SMC1B: variants seen among roughly 807,000 people sequenced by gnomAD.
The protein encoded by SMC1B is structural maintenance of chromosomes 1B.
A neutral mutation model predicts 157.9 loss-of-function variants in SMC1B; 60 were observed. The ratio of observed to expected loss-of-function variants is 0.38; its 90% CI spans 0.31 to 0.47. SMC1B has a LOEUF of 0.47. Among genes scored for constraint, SMC1B ranks in the 20% least tolerant of loss-of-function variants. The pLI is 0.99. For missense variants in SMC1B, 1,165 were observed against 1,426.2 expected, an observed-to-expected ratio of 0.82 and a Z score of 2.95; for synonymous variants, 445 against 483.0, an observed-to-expected ratio of 0.92 and a Z score of 1.03.
rs2087033423 is a variant in SMC1B, at chr22:45,389,608, G to A, written c.1731+104C>T. 4 of 987,030 alleles carry A rather than the reference G, an allele frequency of 4.1e-6. No homozygotes were observed. In the African/African-American group the frequency reaches 4.9e-5, roughly 12 times the overall value. 61.1% of individuals were successfully genotyped at this position (987,030 alleles called of 1,614,324 possible). The stretch of plus-strand genomic sequence containing the variant: ...AAATGATTGCCTAACTGGCATCCAA[G>A]CTACAATTTTTCTCTATCACTATCA... On this transcript the variant is annotated intron_variant, in intron 10 of 24. Coordinates refer to ENST00000357450, the MANE Select transcript of SMC1B (RefSeq NM_148674.5).
chr22:45,396,333 CA>C lies in SMC1B; in HGVS notation c.1254+12del, dbSNP rs2087123392. 2 of 1,598,242 alleles carry C rather than the reference CA, an allele frequency of 1.3e-6. No individual in the cohort carries two copies. The highest frequency in any genetic ancestry group is 1.7e-6 in the Non-Finnish European group (2 of 1,173,584). On this transcript the variant is annotated intron_variant, in intron 7 of 24. Coordinates refer to ENST00000357450, the MANE Select transcript of SMC1B (RefSeq NM_148674.5). ...AGAATGATTCTAAATCATTACTGTA[CA>C]ACCCAAGACACCTGAACTTCTCCAT...
At chr22:45,345,363 C>T in intron 24 of SMC1B, 96 bp downstream of exon 24, 1 of 653,800 alleles carries the variant, frequency 1.5e-6, no homozygotes, top group South Asian at 2.1e-5. Flanking sequence ...CATTAGACTC[C>T]ATTTGGAAGT....
chr22:45,374,403 AT>A (rs1386092821), intron 12 of SMC1B, among the ~76,000 whole-genome samples: 1 of 152,198 alleles, frequency 6.6e-6, no homozygotes, highest in African/African-American at 2.4e-5. Context: ...GTGTACAAAT[AT>A]CAGGCCCAGT....
At chr22:45,364,589 CA>C (rs1569179867) in intron 15 of SMC1B, among the ~76,000 whole-genome samples, 1 of 152,162 alleles carries the variant, frequency 6.6e-6, no homozygotes, top group Non-Finnish European at 1.5e-5. Context: ...CACACTCAGA[CA>C]GGGGGACAAC....
In SMC1B at chr22:45,345,553, T is replaced by C. The variant is rs2146747342; in HGVS notation, c.3512A>G (p.Lys1171Arg). The C allele has an allele frequency of 6.2e-7, 1 of 1,606,526 alleles. No homozygotes were observed. The highest frequency in any genetic ancestry group is 2.2e-5 in the East Asian group (1 of 44,842). ...TNIGKVSSYI[K>R]EQTQDQFQMI... ...CTGAAACTGGTCTTGAGTTTGCTCTTTGATGTAACTTGACACCTGGAAGAA... is the reference window on the plus strand; with the variant it reads ...CTGAAACTGGTCTTGAGTTTGCTCTCTGATGTAACTTGACACCTGGAAGAA... Residue 1171 changes from lysine to arginine, a missense_variant, in exon 24 of 25, where the codon AAA becomes AGA. Transcript: ENST00000357450.
chr22:45,387,390 T>C (rs1602079639), intron 10 of SMC1B, among the ~76,000 whole-genome samples: 1 of 151,992 alleles, frequency 6.6e-6, no homozygotes, highest in East Asian at 1.9e-4. Context: ...ACAGTAGTTG[T>C]AGTGAGCTGA....
intron 11 of SMC1B, among the ~76,000 whole-genome samples, chr22:45,385,222 T>C (rs746846541): frequency 2.6e-5 from 4 of 152,152 alleles, no homozygotes; most frequent in East Asian, 1.9e-4. Flanking sequence ...GCCCAAACTA[T>C]AGCTAGCAGA....
chr22:45,352,619 T>G lies in SMC1B; in HGVS notation c.3274-17A>C. On this transcript the variant is annotated splice_polypyrimidine_tract_variant and intron_variant, in intron 21 of 24. Coordinates refer to ENST00000357450, the MANE Select transcript of SMC1B (RefSeq NM_148674.5). ...AAGAAATGCCTGAAACGCATGTTATTTATTTAGCAATATCAGAAAAGCAAC... is the reference window on the plus strand; with the variant it reads ...AAGAAATGCCTGAAACGCATGTTATGTATTTAGCAATATCAGAAAAGCAAC... 1.3e-6 allele frequency: 2 copies of G among 1,581,918 alleles called. No homozygotes were observed. The highest frequency in any genetic ancestry group is 1.7e-6 in the Non-Finnish European group (2 of 1,162,404).
chr22:45,362,261 AG>A (rs751873515), intron 16 of SMC1B, among the ~76,000 whole-genome samples: 22 of 152,084 alleles, frequency 1.4e-4, no homozygotes, highest in Non-Finnish European at 3.2e-4. Flanking sequence ...CTCCAATGAG[AG>A]TGTTTCTGCT....
chr22:45,351,700 ACCACATCT>A (rs2086617009), intron 22 of SMC1B, among the ~76,000 whole-genome samples: 1 of 152,156 alleles, frequency 6.6e-6, no homozygotes, highest in South Asian at 2.1e-4. Flanking sequence ...GACATGTGTC[ACCACATCT>A]GGCTAACTTT....
intron 19 of SMC1B, 33 bp downstream of exon 19, chr22:45,358,664 G>C (rs777889020): frequency 8.0e-7 from 1 of 1,255,780 alleles, no homozygotes; most frequent in Non-Finnish European, 1.1e-6. Context: ...CCGTATTACT[G>C]TGAGTGATAA....
Position 45,393,770 on chromosome 22 carries a change from A to G in SMC1B, c.1409T>C (p.Met470Thr). Residue 470 changes from methionine (M) to threonine (T), a missense_variant, in exon 9 of 25, where the codon ATG (methionine) becomes ACG (threonine). Transcript: ENST00000357450. ...ATTCAATTCTTCATTAACTTCAGACATTCTTGATTTTGTTTTTTCAATTTC... is the reference window on the plus strand; with the variant it reads ...ATTCAATTCTTCATTAACTTCAGACGTTCTTGATTTTGTTTTTTCAATTTC... ...VDEIEKTKSR[M>T]SEVNEELNLI... 6.2e-7 allele frequency: 1 copy of G among 1,613,812 alleles called. No individual in the cohort carries two copies. The highest frequency in any genetic ancestry group is 1.1e-5 in the South Asian group (1 of 91,074).
At position 45,363,031 on chromosome 22, in the gene SMC1B, T is replaced by C. The variant is rs367920238; in HGVS notation, c.2421-5A>G. 75 of 1,560,036 alleles carry C rather than the reference T, an allele frequency of 4.8e-5. No individual in the cohort carries two copies. Among genetic ancestry groups the C allele is most frequent in the Non-Finnish European group, 6.3e-5 (73 of 1,158,028 alleles). ...TTTTGTTTTTCAAATTCTAATCTAG[T>C]ATAATAAAGTCAAGCATTACAAGTG... On this transcript the variant is annotated splice_polypyrimidine_tract_variant and splice_region_variant and intron_variant, in intron 15 of 24. Transcript: ENST00000357450.
intron 20 of SMC1B, among the ~76,000 whole-genome samples, 190 bp from the exon 21 acceptor site, chr22:45,354,322 T>C (rs1026336586): frequency 6.6e-6 from 1 of 152,082 alleles, no homozygotes; most frequent in East Asian, 1.9e-4. Flanking sequence ...TCTTTTCTAG[T>C]AGGGCTAATT....
chr22:45,396,035 C>CA (rs1602089032), intron 7 of SMC1B, among the ~76,000 whole-genome samples: 1 of 152,094 alleles, frequency 6.6e-6, no homozygotes, highest in African/African-American at 2.4e-5. Context: ...CAAAAATGTC[C>CA]AATGTGTATT....
At chr22:45,401,891 T>C (rs1301124160) in intron 5 of SMC1B, among the ~76,000 whole-genome samples, 6 of 148,020 alleles carry the variant, frequency 4.1e-5, no homozygotes, top group Non-Finnish European at 7.5e-5. Context: ...TACACCACCT[T>C]TTTTTTTTTT....
chr22:45,347,503 G>A lies in SMC1B; in HGVS notation c.3496-1934C>T, dbSNP rs568745316. 4.0e-3 allele frequency among the ~76,000 whole-genome samples: 602 copies of A among 152,324 alleles called. 1 individual carries two copies. The highest frequency in any genetic ancestry group is 6.8e-3 in the Middle Eastern group (2 of 294). On this transcript the variant is annotated intron_variant, in intron 23 of 24. Coordinates refer to ENST00000357450, the MANE Select transcript of SMC1B (RefSeq NM_148674.5). ...AATCAAGGAGGTCAGCTTCAGAGGTGCAGAACCTACTGGGTGGTACCCCGA... is the reference window on the plus strand; with the variant it reads ...AATCAAGGAGGTCAGCTTCAGAGGTACAGAACCTACTGGGTGGTACCCCGA...
At chr22:45,385,954 C>A (rs1345251583) in intron 11 of SMC1B, among the ~76,000 whole-genome samples, 1 of 152,030 alleles carries the variant, frequency 6.6e-6, no homozygotes, top group Non-Finnish European at 1.5e-5. Flanking sequence ...ATTTGCAATT[C>A]TGGACATTCC....
intron 12 of SMC1B, among the ~76,000 whole-genome samples, chr22:45,378,125 T>G (rs2086900946): frequency 6.6e-6 from 1 of 152,188 alleles, no homozygotes; most frequent in African/African-American, 2.4e-5. Flanking sequence ...TCTTTAGTAA[T>G]GTAGACATTT....
Sources: gnomAD v4.1 joint callset for allele counts (sites outside exome capture counted in the v4.1 genomes callset) on GRCh38, gnomAD v4.1.1 for gene constraint, MANE v1.5 for transcripts, NCBI Gene and HGNC (gene_info 2026-07-23, HGNC 2026-07-21) for gene names.